Variants in FNDC3B observed in about 807,000 individuals in gnomAD.
FNDC3B encodes the protein fibronectin type III domain-containing protein 3B.
Under a neutral mutation model 151.5 loss-of-function variants are expected in FNDC3B, and 12 were observed. The ratio of observed to expected loss-of-function variants is 0.08; its 90% CI spans 0.05 to 0.13. FNDC3B has a LOEUF of 0.13. Among genes scored for constraint, FNDC3B ranks in the 10% least tolerant of loss-of-function variants. The probability of loss-of-function intolerance (pLI) is 1.00; values close to 1 mark genes in which losing one functional copy is unlikely to be tolerated. For missense variants in FNDC3B, 1,214 were observed against 1,505.3 expected, an observed-to-expected ratio of 0.81 and a Z score of 3.20; for synonymous variants, 528 against 549.0, an observed-to-expected ratio of 0.96 and a Z score of 0.54.
At chr3:172,349,903 G>A (rs774802763) in intron 21 of FNDC3B, among the ~76,000 whole-genome samples, 17 of 152,132 alleles carry the variant, frequency 1.1e-4, no homozygotes, top group African/African-American at 1.9e-4. Flanking sequence ...TGATCCACCC[G>A]CCTCAGCCTC....
chr3:172,312,562 T>C lies in FNDC3B; in HGVS notation c.1254+1681T>C, dbSNP rs1731564701. 1.3e-5 allele frequency among the ~76,000 whole-genome samples: 2 copies of C among 152,044 alleles called. 1 individual carries two copies. Among genetic ancestry groups the C allele is most frequent in the South Asian group, 4.2e-4 (2 of 4,806 alleles). ...TGATTTGTTGCACTCACCTTGTTTT[T>C]TCTCATGTCTCGAGGTTCACCAGTA... On this transcript the variant is annotated intron_variant, in intron 11 of 25. Coordinates refer to ENST00000415807, the MANE Select transcript of FNDC3B (RefSeq NM_022763.4).
intron 23 of FNDC3B, among the ~76,000 whole-genome samples, chr3:172,374,464 G>A (rs6445059): frequency 2.0e-5 from 3 of 152,102 alleles, no homozygotes; most frequent in Non-Finnish European, 2.9e-5. Flanking sequence ...TGGCAGTCTT[G>A]GCTCACTGCA....
intron 2 of FNDC3B, among the ~76,000 whole-genome samples, chr3:172,129,546 ATG>A (rs1336672966): frequency 6.6e-6 from 1 of 152,128 alleles, no homozygotes; most frequent in Non-Finnish European, 1.5e-5. Flanking sequence ...AAGAATTCCC[ATG>A]ATGCTGTGTT....
intron 22 of FNDC3B, among the ~76,000 whole-genome samples, chr3:172,362,044 T>C (rs1576946625): frequency 1.3e-5 from 2 of 152,250 alleles, no homozygotes; most frequent in Admixed American, 1.3e-4. Context: ...AATATGTTTC[T>C]TATCCATAAC....
chr3:172,330,475 C>A (rs1395809447), intron 12 of FNDC3B, 66 bp from the exon 13 acceptor site: 1 of 1,431,256 alleles, frequency 7.0e-7, no homozygotes, highest in African/African-American at 1.4e-5. Context: ...GCTGAGCCTT[C>A]CTCTTTTAAA....
chr3:172,240,804 T>C (rs957944245), intron 4 of FNDC3B, among the ~76,000 whole-genome samples: 1 of 152,214 alleles, frequency 6.6e-6, no homozygotes, highest in Non-Finnish European at 1.5e-5. Flanking sequence ...GTGCTGCTCC[T>C]GGGAACCCTC....
chr3:172,075,886 T>C (rs1253980366), intron 1 of FNDC3B, among the ~76,000 whole-genome samples: 3 of 152,124 alleles, frequency 2.0e-5, no homozygotes, highest in African/African-American at 7.2e-5. Flanking sequence ...ACCCACTAAA[T>C]TGATTATGTG....
rs1250518631 is a variant in FNDC3B, at chr3:172,133,328, A to G, written c.112-143A>G. On this transcript the variant is annotated intron_variant, in intron 2 of 25. Coordinates refer to ENST00000415807, the MANE Select transcript of FNDC3B (RefSeq NM_022763.4). ...TACTCCTCCTACCCCCATGCCCCCA[A>G]TTAAGACTTATACTCCAAGTTTTGT... 7 of 646,336 alleles carry G rather than the reference A, an allele frequency of 1.1e-5. No individual in the cohort carries two copies. The Admixed American group carries it at 1.2e-4, about 11-fold the overall frequency. 40.0% of individuals were successfully genotyped at this position (646,336 alleles called of 1,614,324 possible).
intron 2 of FNDC3B, among the ~76,000 whole-genome samples, chr3:172,122,720 C>T (rs1199187158): frequency 6.6e-6 from 1 of 152,200 alleles, no homozygotes; most frequent in Non-Finnish European, 1.5e-5. Context: ...CTTTCCTGCC[C>T]CTTCCTTGCT....
At chr3:172,112,731 A>T in intron 2 of FNDC3B, 141 bp downstream of exon 2, 1 of 656,148 alleles carries the variant, frequency 1.5e-6, no homozygotes, top group South Asian at 1.8e-5. Context: ...TTGTAGAAAT[A>T]CTGTATCGTT....
At chr3:172,268,923 T>C (rs1420263442) in intron 6 of FNDC3B, among the ~76,000 whole-genome samples, 1 of 152,248 alleles carries the variant, frequency 6.6e-6, no homozygotes, top group African/African-American at 2.4e-5. Context: ...TAAAGGACTT[T>C]GGGAAAAACT....
chr3:172,115,037 T>C (rs550316845), intron 2 of FNDC3B, among the ~76,000 whole-genome samples: 5 of 152,352 alleles, frequency 3.3e-5, no homozygotes, highest in African/African-American at 9.6e-5. Context: ...GAAATGTCCC[T>C]CTCAGCAGGA....
chr3:172,190,275 A>C (rs1434609382), intron 3 of FNDC3B, among the ~76,000 whole-genome samples: 1 of 152,208 alleles, frequency 6.6e-6, no homozygotes, highest in Non-Finnish European at 1.5e-5. Context: ...AGTCAGAAAC[A>C]CCTTGGAATT....
chr3:172,170,889 C>T (rs940040458), intron 3 of FNDC3B, among the ~76,000 whole-genome samples: 5 of 152,162 alleles, frequency 3.3e-5, no homozygotes, highest in Admixed American at 3.3e-4. Flanking sequence ...CTTTGAGCCA[C>T]CTTTATGGTA....
intron 3 of FNDC3B, among the ~76,000 whole-genome samples, chr3:172,214,584 A>C (rs1299128811): frequency 6.6e-6 from 1 of 151,986 alleles, no homozygotes; most frequent in Non-Finnish European, 1.5e-5. Context: ...TCCATTGAGC[A>C]GCCTTCTAGA....
chr3:172,231,012 A>C (rs1726860806), intron 4 of FNDC3B, among the ~76,000 whole-genome samples: 1 of 152,252 alleles, frequency 6.6e-6, no homozygotes, highest in Admixed American at 6.5e-5. Flanking sequence ...AGGAATGTTC[A>C]TAGGAGCATT....
chr3:172,148,034 A>C (rs981527831), intron 3 of FNDC3B, among the ~76,000 whole-genome samples: 1 of 152,000 alleles, frequency 6.6e-6, no homozygotes, highest in Non-Finnish European at 1.5e-5. Context: ...CCGGGACTCT[A>C]ATTTTCAAAG....
chr3:172,291,402 C>T (rs1199357003), intron 7 of FNDC3B, among the ~76,000 whole-genome samples: 1 of 151,762 alleles, frequency 6.6e-6, no homozygotes, highest in Non-Finnish European at 1.5e-5. Context: ...TACAACAGAC[C>T]CTTTTATAGC....
intron 3 of FNDC3B, among the ~76,000 whole-genome samples, chr3:172,194,489 C>T (rs115015160): frequency 6.6e-6 from 1 of 152,252 alleles, no homozygotes; most frequent in African/African-American, 2.4e-5. Flanking sequence ...TTGTTTTCTG[C>T]GTCTGGATTC....
Sources: gnomAD v4.1 joint callset for allele counts (sites outside exome capture counted in the v4.1 genomes callset) on GRCh38, gnomAD v4.1.1 for gene constraint, MANE v1.5 for transcripts, NCBI Gene and HGNC (gene_info 2026-07-23, HGNC 2026-07-21) for gene names.